Variants in ZNF324B observed in about 807,000 individuals in gnomAD.
ZNF324B encodes zinc finger protein 324B.
ZNF324B carries 7 observed loss-of-function variants against 10.6 expected under a neutral mutation model. That is an observed-to-expected ratio of 0.66 (90% CI 0.38 to 1.24). ZNF324B has a LOEUF of 1.24. Among genes scored for constraint, ZNF324B ranks in the 50% most tolerant of loss-of-function variants. ZNF324B has a pLI of 0.02. For synonymous variants in ZNF324B, 316 were observed against 321.0 expected, an observed-to-expected ratio of 0.98 and a Z score of 0.17; for missense variants, 640 against 764.7, an observed-to-expected ratio of 0.84 and a Z score of 1.92.
chr19:58,436,973 G>A, the ZNF324B span: 7 of 1,603,902 alleles, frequency 4.4e-6, no homozygotes, highest in Admixed American at 1.7e-5. Context: ...CTGGCTTTGG[G>A]ATGAACAGAG....
chr19:58,455,969 G>A lies in ZNF324B; in HGVS notation c.1025G>A (p.Arg342His). The change falls in exon 4 of 4, where the codon CGC (arginine) becomes CAC (histidine). Residue 342 changes from arginine (R) to histidine (H), a missense_variant. Around this residue, in one of 3 missense-constraint regions of ZNF324B, gnomAD observed 57 missense variants for 118.8 expected, o/e 0.48. Transcript: ENST00000336614. This position sits in a 1 kb window ranked among gnomAD's most constrained non-coding sequence, Gnocchi z 7.0. ...QRIHTAEKSF[R>H]CSECGKAFSH... is the part of the protein sequence containing the mutation. ...ATCCACACGGCCGAGAAGTCCTTCC[G>A]CTGCTCCGAGTGCGGCAAGGCCTTC... The A allele has an allele frequency of 6.3e-7, 1 of 1,590,254 alleles. No individual in the cohort carries two copies. The highest frequency in any genetic ancestry group is 8.6e-7 in the Non-Finnish European group (1 of 1,165,988).
At chr19:58,451,562 C>G (rs757452678), upstream of ZNF324B, 21 of 514,020 alleles carry the variant, frequency 4.1e-5, no homozygotes, top group Non-Finnish European at 7.0e-5. Flanking sequence ...TGTGCGCAAG[C>G]GTCTGCGCGC....
At chr19:58,436,909 T>G in the ZNF324B span, 1 of 1,183,140 alleles carries the variant, frequency 8.5e-7, no homozygotes, top group Non-Finnish European at 1.3e-6. Flanking sequence ...CAGCAGAACC[T>G]CAGCACCCCA....
the ZNF324B span, among the ~76,000 whole-genome samples, chr19:58,423,026 T>G: frequency 6.6e-6 from 1 of 151,748 alleles, no homozygotes; most frequent in South Asian, 2.1e-4. Flanking sequence ...CACGCCACTA[T>G]GCTCAGCTAA....
the ZNF324B span, chr19:58,433,695 G>A: frequency 6.2e-7 from 1 of 1,610,120 alleles, no homozygotes; most frequent in South Asian, 1.1e-5. Context: ...TGAGAATGGA[G>A]TTTTGGCTAA....
the ZNF324B span, among the ~76,000 whole-genome samples, chr19:58,423,091 G>A: frequency 8.6e-5 from 13 of 151,822 alleles, no homozygotes; most frequent in Admixed American, 8.5e-4. Flanking sequence ...GGATGGTCTC[G>A]ATCTCCTGAC....
At chr19:58,431,989 C>T in the ZNF324B span, among the ~76,000 whole-genome samples, 1 of 150,780 alleles carries the variant, frequency 6.6e-6, no homozygotes, top group Admixed American at 6.6e-5. Context: ...AGCAAGACTC[C>T]ATATCAAAAA....
the ZNF324B span, chr19:58,429,799 G>A: frequency 2.0e-4 from 30 of 152,228 alleles, no homozygotes; most frequent in Admixed American, 1.8e-3. Context: ...CTAGAGAATG[G>A]AAAAGGGAGT....
At chr19:58,431,355 A>G in the ZNF324B span, among the ~76,000 whole-genome samples, 3 of 152,216 alleles carry the variant, frequency 2.0e-5, no homozygotes, top group Admixed American at 6.5e-5. Flanking sequence ...GGCAGGGAGA[A>G]CAGAGAGGGA....
chr19:58,441,182 C>T, the ZNF324B span: 6 of 152,344 alleles, frequency 3.9e-5, no homozygotes, highest in East Asian at 1.9e-4. Context: ...ACACCGAGGG[C>T]GCCTGGGAGC....
the ZNF324B span, chr19:58,429,713 C>A: frequency 6.6e-6 from 1 of 152,180 alleles, no homozygotes; most frequent in Non-Finnish European, 1.5e-5. Context: ...CAGATCTTAG[C>A]AAGAATTGTC....
upstream of ZNF324B, among the ~76,000 whole-genome samples, chr19:58,449,930 G>T (rs929698809): frequency 6.6e-6 from 1 of 152,156 alleles, no homozygotes; most frequent in African/African-American, 2.4e-5. Context: ...ATGTGAGCAC[G>T]AGATTTGGGA....
chr19:58,423,928 C>A, the ZNF324B span, among the ~76,000 whole-genome samples: 61 of 152,136 alleles, frequency 4.0e-4, no homozygotes, highest in African/African-American at 1.3e-3. Flanking sequence ...ACATATGACT[C>A]AAAACTGTAA....
upstream of ZNF324B, among the ~76,000 whole-genome samples, chr19:58,448,446 C>T (rs759101298): frequency 1.2e-4 from 18 of 152,138 alleles, no homozygotes; most frequent in African/African-American, 2.9e-4. Context: ...GTATCTGGTC[C>T]GGGTGCAGTG....
At chr19:58,421,502 C>T in the ZNF324B span, among the ~76,000 whole-genome samples, 1 of 151,768 alleles carries the variant, frequency 6.6e-6, no homozygotes, top group East Asian at 2.0e-4. Context: ...GCCTCAGCCT[C>T]CTGAGTAGCT....
At chr19:58,433,966 C>G in the ZNF324B span, 2 of 1,614,190 alleles carry the variant, frequency 1.2e-6, no homozygotes, top group Non-Finnish European at 1.7e-6. Context: ...GAAGGCTTTA[C>G]CACAATCACA....
chr19:58,427,408 TTCCTTCCTTCC>T, the ZNF324B span, among the ~76,000 whole-genome samples: 20 of 22,254 alleles, frequency 9.0e-4, no homozygotes, highest in African/African-American at 4.0e-3. Context: ...CTTTCTTTCC[TTCCTTCCTTCC>T]TTCCTTCCTT....
the ZNF324B span, chr19:58,434,892 T>G: frequency 6.2e-7 from 1 of 1,614,202 alleles, no homozygotes; most frequent in South Asian, 1.1e-5. Context: ...ACAGGTGGAC[T>G]TTAGAGCTCT....
At chr19:58,437,055 G>A in the ZNF324B span, 2 of 1,614,158 alleles carry the variant, frequency 1.2e-6, no homozygotes, top group East Asian at 2.2e-5. Context: ...ACCAAGTGAG[G>A]TCACAAGCTC....
Sources: allele counts gnomAD v4.1 joint callset (sites outside exome capture counted in the v4.1 genomes callset), GRCh38; gene constraint gnomAD v4.1.1; regional missense constraint gnomAD v4.1.1; non-coding constraint Gnocchi (gnomAD v3.1); transcripts MANE v1.5; gene names NCBI Gene and HGNC (gene_info 2026-07-23, HGNC 2026-07-21).